The following N4BP2 variants were observed in gnomAD, a reference collection of about 807,000 sequenced individuals.
N4BP2 encodes the protein NEDD4-binding protein 2.
N4BP2 carries 91 observed loss-of-function variants against 152.8 expected under a neutral mutation model. That is an observed-to-expected ratio of 0.60 (90% CI 0.50 to 0.71). The LOEUF is 0.71. Among genes scored for constraint, N4BP2 ranks in the 30% least tolerant of loss-of-function variants. The probability of loss-of-function intolerance (pLI) is 0.00; values close to 1 mark genes in which losing one functional copy is unlikely to be tolerated. For synonymous variants in N4BP2, 646 were observed against 705.3 expected (o/e 0.92, Z 1.33); for missense variants, 1,923 against 2,059.1 (o/e 0.93, Z 1.28).
At chr4:40,077,122 T>C (rs1464528074) in intron 2 of N4BP2, among the ~76,000 whole-genome samples, 1 of 151,920 alleles carries the variant, frequency 6.6e-6, no homozygotes, top group Admixed American at 6.6e-5. Flanking sequence ...TGGTCGATAT[T>C]GAATATTATG....
intron 2 of N4BP2, among the ~76,000 whole-genome samples, chr4:40,087,048 G>A (rs1714040572): frequency 6.6e-6 from 1 of 152,114 alleles, no homozygotes. Flanking sequence ...CGTGCCTGGT[G>A]TAATTACATT....
Position 40,102,989 on chromosome 4 carries a change from C to T in N4BP2, c.1144C>T (p.Pro382Ser), listed in dbSNP as rs142570098. 102 of 1,614,188 alleles carry T rather than the reference C, an allele frequency of 6.3e-5. No homozygotes were observed. In the East Asian group the frequency reaches 2.2e-3, roughly 35 times the overall value. Reference sequence around the variant, plus strand: ...CCAAGGAAACCATGGCTTTGTAGCTCCTGTTGTAACCACAGCTGCACACTG... The same window carrying T: ...CCAAGGAAACCATGGCTTTGTAGCTTCTGTTGTAACCACAGCTGCACACTG... ...LFQGNHGFVAPVVTTAAHWRS... is the reference protein window; with the variant it reads ...LFQGNHGFVASVVTTAAHWRS... The change falls in exon 4 of 18, where the codon CCT (proline) becomes TCT (serine). Residue 382 changes from proline (P) to serine (S), a missense_variant. Physicochemically the swap from Pro to Ser is moderately conservative, Grantham distance 74. Coordinates refer to ENST00000261435, the MANE Select transcript of N4BP2 (RefSeq NM_018177.6).
intron 2 of N4BP2, among the ~76,000 whole-genome samples, chr4:40,074,863 G>A (rs1002405164): frequency 1.3e-5 from 2 of 151,892 alleles, no homozygotes; most frequent in Non-Finnish European, 2.9e-5. Context: ...AAAAATTAGT[G>A]GGACATGTTG....
intron 2 of N4BP2, among the ~76,000 whole-genome samples, chr4:40,075,015 A>G (rs941453910): frequency 1.3e-5 from 2 of 152,190 alleles, no homozygotes; most frequent in Middle Eastern, 3.4e-3. Flanking sequence ...AAGAAAAAAA[A>G]AAAAGTAAAT....
chr4:40,117,845 C>G (rs1717489549), intron 7 of N4BP2, 24 bp from the exon 8 acceptor site: 5 of 1,573,980 alleles, frequency 3.2e-6, no homozygotes, highest in South Asian at 2.4e-5. Flanking sequence ...TTCCTTCAAC[C>G]CTTTTTTCCC....
chr4:40,070,145 C>G (rs1035226452), intron 1 of N4BP2, among the ~76,000 whole-genome samples: 1 of 152,106 alleles, frequency 6.6e-6, no homozygotes, highest in African/African-American at 2.4e-5. Flanking sequence ...ACAATTGTTA[C>G]CATTTTGCCA....
chr4:40,061,523 C>G (rs1733650824), intron 1 of N4BP2, among the ~76,000 whole-genome samples: 1 of 151,662 alleles, frequency 6.6e-6, no homozygotes, highest in African/African-American at 2.4e-5. Flanking sequence ...CACCACCACG[C>G]CCAGCTAAGT....
the N4BP2 span, among the ~76,000 whole-genome samples, chr4:40,181,442 C>T: frequency 6.6e-6 from 1 of 152,124 alleles, no homozygotes; most frequent in African/African-American, 2.4e-5. Context: ...GACAGAAAAC[C>T]CCCAAGCAAT....
chr4:40,125,906 ATT>A lies in N4BP2; in HGVS notation c.4331-227_4331-226del, dbSNP rs1441635644. ...CGTCTCAAAAAAAAAAAAAAAAAAAATTATACACAGATCATTACTCTTTTAAA... is the reference window on the plus strand; with the variant it reads ...CGTCTCAAAAAAAAAAAAAAAAAAAAATACACAGATCATTACTCTTTTAAA... On this transcript the variant is annotated intron_variant, in intron 11 of 17. Transcript: ENST00000261435. Among the ~76,000 whole-genome samples the A allele has an allele frequency of 1.4e-4, 11 of 80,230 alleles. No individual in the cohort carries two copies. In the South Asian group the frequency reaches 2.3e-3, roughly 17 times the overall value. 52.6% of individuals were successfully genotyped at this position (80,230 alleles called of 152,430 possible).
intron 1 of N4BP2, among the ~76,000 whole-genome samples, chr4:40,064,500 C>G (rs1272834960): frequency 6.6e-6 from 1 of 152,026 alleles, no homozygotes; most frequent in Non-Finnish European, 1.5e-5. Context: ...GTCTCAAACT[C>G]CCGACCTTGT....
At chr4:40,177,615 C>CA in the N4BP2 span, among the ~76,000 whole-genome samples, 1 of 151,016 alleles carries the variant, frequency 6.6e-6, no homozygotes, top group African/African-American at 2.4e-5. Context: ...GACTCTGTCT[C>CA]AAAAAATAAA....
chr4:40,161,898 C>T (rs998883548), downstream of N4BP2, among the ~76,000 whole-genome samples: 2 of 152,178 alleles, frequency 1.3e-5, no homozygotes, highest in Non-Finnish European at 2.9e-5. Context: ...GTAGCTGCTA[C>T]GTCTGCCGTA....
At chr4:40,178,147 G>A in the N4BP2 span, among the ~76,000 whole-genome samples, 3 of 151,444 alleles carry the variant, frequency 2.0e-5, no homozygotes, top group South Asian at 6.2e-4. Flanking sequence ...GTGACAGAGC[G>A]AGACTGGGTC....
At chr4:40,114,744 C>T (rs1356426875) in intron 7 of N4BP2, among the ~76,000 whole-genome samples, 1 of 152,020 alleles carries the variant, frequency 6.6e-6, no homozygotes, top group Non-Finnish European at 1.5e-5. Context: ...CTCTTTTCTT[C>T]TTTTCTAGGT....
downstream of N4BP2, among the ~76,000 whole-genome samples, chr4:40,159,750 TAGG>T (rs1249577864): frequency 6.6e-6 from 1 of 152,312 alleles, no homozygotes; most frequent in African/African-American, 2.4e-5. Context: ...GAATGGATAT[TAGG>T]AGAATGAATA....
intron 9 of N4BP2, among the ~76,000 whole-genome samples, chr4:40,122,806 G>A (rs989564613): frequency 2.0e-5 from 3 of 152,120 alleles, no homozygotes; most frequent in African/African-American, 4.8e-5. Context: ...ATACATTTAA[G>A]ACAAGATTAA....
At chr4:40,177,772 G>A in the N4BP2 span, among the ~76,000 whole-genome samples, 4 of 152,150 alleles carry the variant, frequency 2.6e-5, no homozygotes, top group East Asian at 5.8e-4. Flanking sequence ...CTCTCTTTAC[G>A]GCTGCTCCCA....
the N4BP2 span, among the ~76,000 whole-genome samples, chr4:40,179,177 G>T: frequency 6.6e-6 from 1 of 152,048 alleles, no homozygotes. Context: ...GACCATCCTG[G>T]CTAACATGGT....
chr4:40,061,521 C>T (rs794029), intron 1 of N4BP2, among the ~76,000 whole-genome samples: 128,900 of 151,566 alleles, frequency 0.85, 54,886 homozygotes, highest in East Asian at 0.97. Context: ...TGCACCACCA[C>T]GCCCAGCTAA....
Sources: gnomAD v4.1 joint callset for allele counts (sites outside exome capture counted in the v4.1 genomes callset) on GRCh38, gnomAD v4.1.1 for gene constraint, MANE v1.5 for transcripts, NCBI Gene and HGNC (gene_info 2026-07-23, HGNC 2026-07-21) for gene names.